Variants in ARHGAP6 observed in about 807,000 individuals in gnomAD.
ARHGAP6 encodes rho GTPase-activating protein 6.
In ARHGAP6, 16 loss-of-function variants were observed where a neutral mutation model predicts 55.7. That is an observed-to-expected ratio of 0.29 (90% confidence interval 0.19 to 0.44). ARHGAP6 has a LOEUF of 0.44. ARHGAP6 is among the 20% of genes least tolerant of loss of function. The probability of loss-of-function intolerance (pLI) is 1.00; values close to 1 mark genes in which losing one functional copy is unlikely to be tolerated. For missense variants in ARHGAP6, 698 were observed against 808.9 expected (o/e 0.86, Z 1.66); for synonymous variants, 382 against 360.9 (o/e 1.06, Z -0.66).
chrX:11,277,167 G>A (rs2047782754), intron 1 of ARHGAP6, among the ~76,000 whole-genome samples: 1 of 111,507 alleles, frequency 9.0e-6, no homozygotes, highest in Non-Finnish European at 1.9e-5. Flanking sequence ...CTTTCACTTA[G>A]CATGTTTTTG....
chrX:11,354,384 A>G (rs1325270183), intron 1 of ARHGAP6, among the ~76,000 whole-genome samples: 3 of 95,628 alleles, frequency 3.1e-5, no homozygotes, highest in African/African-American at 1.2e-4. Context: ...TAATCATTAT[A>G]ACCATGATCA....
chrX:11,512,027 C>T (rs13440938), intron 1 of ARHGAP6, among the ~76,000 whole-genome samples: 18,551 of 109,876 alleles, frequency 0.17, 1,288 homozygotes, highest in Middle Eastern at 0.29. Context: ...AGGGTTTCAC[C>T]GTGTTAGCCA....
intron 1 of ARHGAP6, among the ~76,000 whole-genome samples, chrX:11,545,033 C>T (rs1382957897): frequency 8.9e-6 from 1 of 111,880 alleles, no homozygotes; most frequent in African/African-American, 3.3e-5. Context: ...GACTAGACAA[C>T]CTCTCAGGTT....
At chrX:11,503,459 ATT>A (rs1461169069) in intron 1 of ARHGAP6, among the ~76,000 whole-genome samples, 1 of 111,684 alleles carries the variant, frequency 9.0e-6, no homozygotes. Flanking sequence ...CAGGGACTAC[ATT>A]TTAATAATCT....
At chrX:11,472,869 G>T (rs944947470) in intron 1 of ARHGAP6, among the ~76,000 whole-genome samples, 1 of 110,836 alleles carries the variant, frequency 9.0e-6, no homozygotes, top group Non-Finnish European at 1.9e-5. Context: ...GGGTCCCATT[G>T]TCTATATTCT....
chrX:11,177,361 T>G (rs1379038269), intron 8 of ARHGAP6, among the ~76,000 whole-genome samples: 1 of 55,337 alleles, frequency 1.8e-5, no homozygotes, highest in Non-Finnish European at 3.3e-5. Context: ...AGATCTTAGA[T>G]TTGGTGGGCG....
At chrX:11,160,476 C>T (rs2045929237) in intron 9 of ARHGAP6, among the ~76,000 whole-genome samples, 1 of 107,122 alleles carries the variant, frequency 9.3e-6, no homozygotes, top group Admixed American at 1.0e-4. Flanking sequence ...AAAAAAATTT[C>T]GCTCCAAGCA....
chrX:11,217,506 A>G (rs2046899802), intron 2 of ARHGAP6, among the ~76,000 whole-genome samples: 1 of 112,193 alleles, frequency 8.9e-6, no homozygotes, highest in Non-Finnish European at 1.9e-5. Flanking sequence ...GGCTGCATAA[A>G]TTTCTTCTTT....
rs1379127486 is a variant in ARHGAP6, at chrX:11,210,586, C to T, written c.749-13590G>A. Among the ~76,000 whole-genome samples, 5 of 112,267 alleles carry T rather than the reference C, an allele frequency of 4.5e-5. No individual in the cohort carries two copies. The South Asian group carries it at 1.1e-3, about 25-fold the overall frequency. ...TGGCTTAGAATGCCACAGAATGCAACGGACACAGGGACATTTATTTTGTTA... is the reference window on the plus strand; with the variant it reads ...TGGCTTAGAATGCCACAGAATGCAATGGACACAGGGACATTTATTTTGTTA... On this transcript the variant is annotated intron_variant, in intron 2 of 12. Transcript: ENST00000337414.
intron 1 of ARHGAP6, among the ~76,000 whole-genome samples, chrX:11,490,969 G>C (rs1242087533): frequency 1.8e-5 from 2 of 112,155 alleles, no homozygotes; most frequent in East Asian, 5.6e-4. Flanking sequence ...ATGGTGAAGG[G>C]TGAGAATGAA....
chrX:11,163,853 C>T (rs1355849224), intron 9 of ARHGAP6, among the ~76,000 whole-genome samples: 1 of 110,460 alleles, frequency 9.1e-6, no homozygotes, highest in African/African-American at 3.2e-5. Context: ...GCTCATGGAA[C>T]GATGTTGGAG....
intron 2 of ARHGAP6, among the ~76,000 whole-genome samples, chrX:11,213,163 A>G (rs1343775789): frequency 8.9e-6 from 1 of 112,486 alleles, no homozygotes; most frequent in Admixed American, 9.3e-5. Flanking sequence ...CTAGGACCTC[A>G]CCCCCGGGCT....
intron 1 of ARHGAP6, among the ~76,000 whole-genome samples, chrX:11,400,516 C>T (rs747919676): frequency 3.7e-5 from 4 of 107,299 alleles, no homozygotes; most frequent in Non-Finnish European, 7.7e-5. Context: ...CCCGTCCCCC[C>T]CTGGCTAAAA....
At chrX:11,548,180 T>G (rs1411087613) in intron 1 of ARHGAP6, among the ~76,000 whole-genome samples, 1 of 112,505 alleles carries the variant, frequency 8.9e-6, no homozygotes, top group Non-Finnish European at 1.9e-5. Flanking sequence ...CAGAGTATTT[T>G]TATAATATAT....
At chrX:11,434,528 C>A (rs1327811901) in intron 1 of ARHGAP6, among the ~76,000 whole-genome samples, 1 of 110,564 alleles carries the variant, frequency 9.0e-6, no homozygotes, top group Admixed American at 9.6e-5. Flanking sequence ...TAGTCACCCC[C>A]CTAAAAAAAC....
intron 1 of ARHGAP6, among the ~76,000 whole-genome samples, chrX:11,288,069 G>A (rs938191773): frequency 8.9e-6 from 1 of 112,215 alleles, no homozygotes; most frequent in African/African-American, 3.2e-5. Flanking sequence ...ATTGAAACGT[G>A]CAACTCAGCA....
intron 1 of ARHGAP6, among the ~76,000 whole-genome samples, chrX:11,625,492 T>C (rs1346904489): frequency 9.0e-6 from 1 of 110,918 alleles, no homozygotes; most frequent in Non-Finnish European, 1.9e-5. Flanking sequence ...AAAAGGTGTA[T>C]CTCATGGAGA....
At chrX:11,283,070 T>C in intron 1 of ARHGAP6, among the ~76,000 whole-genome samples, 1 of 112,080 alleles carries the variant, frequency 8.9e-6, no homozygotes, top group Middle Eastern at 4.6e-3. Context: ...ATACAGAATG[T>C]AATATTATCC....
chrX:11,557,315 G>A (rs1432389000), intron 1 of ARHGAP6, among the ~76,000 whole-genome samples: 1 of 111,944 alleles, frequency 8.9e-6, no homozygotes, highest in African/African-American at 3.2e-5. Flanking sequence ...TACTCATGAT[G>A]AGAAAGATAG....
Sources: gnomAD v4.1 joint callset for allele counts (sites outside exome capture counted in the v4.1 genomes callset) on GRCh38, gnomAD v4.1.1 for gene constraint, MANE v1.5 for transcripts, NCBI Gene and HGNC (gene_info 2026-07-23, HGNC 2026-07-21) for gene names.